The following DOCK10 variants were observed in gnomAD, a reference collection of about 807,000 sequenced individuals.
The protein encoded by DOCK10 is dedicator of cytokinesis protein 10.
In DOCK10, 145 loss-of-function variants were observed where a neutral mutation model predicts 280.1. The ratio of observed to expected loss-of-function variants is 0.52; its 90% CI spans 0.45 to 0.59. The LOEUF (loss-of-function observed/expected upper bound fraction) is 0.59. Ranked by LOEUF, DOCK10 falls within the 20% of genes least tolerant of loss-of-function variation. The pLI, the probability that DOCK10 is intolerant of heterozygous loss-of-function variation, is 0.00. For synonymous variants in DOCK10, 915 were observed against 942.2 expected, an observed-to-expected ratio of 0.97 and a Z score of 0.53; for missense variants, 2,368 against 2,651.7, an observed-to-expected ratio of 0.89 and a Z score of 2.35.
chr2:224,997,906 G>C (rs10182162), intron 1 of DOCK10, among the ~76,000 whole-genome samples: 11,316 of 152,214 alleles, frequency 0.074, 1,077 homozygotes, highest in African/African-American at 0.22. Context: ...GAGCCTTAAA[G>C]AGCCCAGGGG....
chr2:224,793,127 G>A (rs544811696), intron 46 of DOCK10, 55 bp from the exon 47 acceptor site: 9 of 1,287,460 alleles, frequency 7.0e-6, no homozygotes, highest in South Asian at 1.3e-5. Context: ...GTTAATACAA[G>A]CTTTAGAGAC....
chr2:224,946,152 C>T (rs1404756403), intron 1 of DOCK10, among the ~76,000 whole-genome samples: 6 of 152,192 alleles, frequency 3.9e-5, no homozygotes, highest in African/African-American at 1.4e-4. Context: ...ATTCAACTGT[C>T]AGTAGTTTAT....
chr2:224,815,487 C>A (rs541208630), intron 30 of DOCK10, among the ~76,000 whole-genome samples: 1 of 151,692 alleles, frequency 6.6e-6, no homozygotes, highest in African/African-American at 2.4e-5. Flanking sequence ...AAAATACATT[C>A]AGAACAACGT....
chr2:224,873,877 C>T (rs1037893397), intron 11 of DOCK10, 119 bp downstream of exon 11: 6 of 1,039,480 alleles, frequency 5.8e-6, no homozygotes, highest in South Asian at 5.6e-5. Flanking sequence ...AATAATATTC[C>T]CTGGTACACT....
chr2:224,942,590 C>A (rs1302113664), intron 1 of DOCK10, among the ~76,000 whole-genome samples: 2 of 152,168 alleles, frequency 1.3e-5, no homozygotes, highest in African/African-American at 4.8e-5. Context: ...TAGCACCTAA[C>A]GAAGCACAGA....
intron 50 of DOCK10, among the ~76,000 whole-genome samples, chr2:224,779,230 T>TC (rs1691116457): frequency 6.6e-6 from 1 of 151,722 alleles, no homozygotes; most frequent in East Asian, 1.9e-4. Flanking sequence ...TTCTTTTTTT[T>TC]TTTTTGGCAG....
intron 1 of DOCK10, among the ~76,000 whole-genome samples, chr2:224,986,152 T>C (rs1383865714): frequency 1.3e-5 from 2 of 152,196 alleles, no homozygotes; most frequent in Non-Finnish European, 2.9e-5. Flanking sequence ...GGAGAGGTTT[T>C]CTGCTATCCT....
intron 9 of DOCK10, 69 bp from the exon 10 acceptor site, chr2:224,874,418 G>T: frequency 8.1e-7 from 1 of 1,235,330 alleles, no homozygotes; most frequent in Non-Finnish European, 1.2e-6. Flanking sequence ...CATCCACATG[G>T]CCAAGAAGCA....
At chr2:224,890,262 A>G (rs1559673990) in intron 4 of DOCK10, among the ~76,000 whole-genome samples, 1 of 152,230 alleles carries the variant, frequency 6.6e-6, no homozygotes, top group African/African-American at 2.4e-5. Flanking sequence ...GTGGATCACA[A>G]TACAGGCCAG....
At chr2:225,014,629 C>A (rs185966122) in intron 1 of DOCK10, among the ~76,000 whole-genome samples, 12 of 151,718 alleles carry the variant, frequency 7.9e-5, no homozygotes, top group Admixed American at 6.6e-4. Context: ...GTTTTAAATT[C>A]TTTGCTTTTC....
chr2:225,022,227 T>A (rs1415526141), intron 1 of DOCK10, among the ~76,000 whole-genome samples: 1 of 152,186 alleles, frequency 6.6e-6, no homozygotes, highest in East Asian at 1.9e-4. Flanking sequence ...AACTGTGTAA[T>A]CTTGTCTTAG....
At position 224,982,968 on chromosome 2, in the gene DOCK10, A is replaced by T. The variant is rs1575147714; in HGVS notation, c.124-51300T>A. ...GATTTAACCAAAGTATGCACGCATT[A>T]ACCAGCCCTGAGTGAGAGACACCAG... is the stretch of plus-strand genomic sequence containing the variant. On this transcript the variant is annotated intron_variant, in intron 1 of 55. Coordinates refer to ENST00000258390, the MANE Select transcript of DOCK10 (RefSeq NM_014689.3). Among the ~76,000 whole-genome samples the T allele has an allele frequency of 2.6e-5, 4 of 152,302 alleles. No individual in the cohort carries two copies. The East Asian group carries it at 7.7e-4, about 29-fold the overall frequency.
At chr2:224,993,568 G>A (rs1706188689) in intron 1 of DOCK10, among the ~76,000 whole-genome samples, 1 of 152,168 alleles carries the variant, frequency 6.6e-6, no homozygotes, top group Non-Finnish European at 1.5e-5. Context: ...AGAAATCACT[G>A]GGCTCCCAGC....
At chr2:224,916,558 A>AG in intron 3 of DOCK10, 137 bp downstream of exon 3, 2 of 544,804 alleles carry the variant, frequency 3.7e-6, no homozygotes. Context: ...AAAAAAAAAA[A>AG]AAAAGACATC....
chr2:224,963,544 CTTTAA>C (rs2126179361), intron 1 of DOCK10, among the ~76,000 whole-genome samples: 1 of 152,236 alleles, frequency 6.6e-6, no homozygotes, highest in East Asian at 1.9e-4. Context: ...CAAATTTCTT[CTTTAA>C]TTTAAAAGAA....
chr2:225,029,716 G>C (rs1329366855), intron 1 of DOCK10, among the ~76,000 whole-genome samples: 3 of 152,180 alleles, frequency 2.0e-5, no homozygotes, highest in Non-Finnish European at 4.4e-5. Flanking sequence ...TTTGTGAAGA[G>C]ACAAATGCTT....
intron 1 of DOCK10, among the ~76,000 whole-genome samples, chr2:224,995,911 A>T (rs1706259954): frequency 6.6e-6 from 1 of 152,228 alleles, no homozygotes; most frequent in African/African-American, 2.4e-5. Context: ...GCAAAAGCCC[A>T]GGTTTTTTAG....
At chr2:224,867,674 C>A (rs924382628) in intron 11 of DOCK10, among the ~76,000 whole-genome samples, 1 of 152,046 alleles carries the variant, frequency 6.6e-6, no homozygotes, top group Non-Finnish European at 1.5e-5. Flanking sequence ...CATCAAAGAG[C>A]ACAGGAAAAG....
At chr2:224,919,095 ATGTATGTGTGGTGAGTTTATG>A (rs1177406869) in intron 2 of DOCK10, among the ~76,000 whole-genome samples, 1 of 126,090 alleles carries the variant, frequency 7.9e-6, no homozygotes, top group Admixed American at 7.9e-5. Flanking sequence ...GAGTGTGTGT[ATGTATGTGTGGTGAGTTTATG>A]TGTATGTGTG....
Sources: allele counts gnomAD v4.1 joint callset (sites outside exome capture counted in the v4.1 genomes callset), GRCh38; gene constraint gnomAD v4.1.1; transcripts MANE v1.5; gene names NCBI Gene and HGNC (gene_info 2026-07-23, HGNC 2026-07-21).